The following THAP5 variants were observed in gnomAD, a reference collection of about 807,000 sequenced individuals.
THAP5 encodes the protein THAP domain-containing protein 5.
In THAP5, 26 loss-of-function variants were observed where a neutral mutation model predicts 34.0. That is an observed-to-expected ratio of 0.77 (90% CI 0.56 to 1.06). The LOEUF is 1.06. THAP5 is among the 50% of genes least tolerant of loss of function. THAP5 has a pLI of 0.00. For missense variants in THAP5, 394 were observed against 452.8 expected, an observed-to-expected ratio of 0.87 and a Z score of 1.18; for synonymous variants, 125 against 153.0, an observed-to-expected ratio of 0.82 and a Z score of 1.35.
chr7:108,555,520 T>A (rs1331659118), intron 1 of THAP5, among the ~76,000 whole-genome samples: 1 of 151,948 alleles, frequency 6.6e-6, no homozygotes, highest in African/African-American at 2.4e-5. Flanking sequence ...CAGCATAAAC[T>A]TTAATGTTGT....
chr7:108,559,407 C>G (rs1312596856), downstream of THAP5, among the ~76,000 whole-genome samples: 1 of 152,158 alleles, frequency 6.6e-6, no homozygotes, highest in Non-Finnish European at 1.5e-5. Context: ...ACTAGTGATG[C>G]AGGAGAACAA....
downstream of THAP5, among the ~76,000 whole-genome samples, chr7:108,558,377 G>GTGTGTGTGTATATATA (rs1401164750): frequency 1.0e-3 from 66 of 62,954 alleles, no homozygotes; most frequent in African/African-American, 2.6e-3. Flanking sequence ...ATGTGTGTGT[G>GTGTGTGTGTATATATA]TATGTATATA....
chr7:108,546,170 C>T, the THAP5 span, among the ~76,000 whole-genome samples: 1 of 151,952 alleles, frequency 6.6e-6, no homozygotes, highest in Non-Finnish European at 1.5e-5. Context: ...CTTTATCAAC[C>T]ATCTGTCAAT....
At chr7:108,550,779 A>G (rs1864348387), downstream of THAP5, among the ~76,000 whole-genome samples, 1 of 152,188 alleles carries the variant, frequency 6.6e-6, no homozygotes, top group East Asian at 1.9e-4. Context: ...GTTGGATAGC[A>G]ATAAGGCTCA....
chr7:108,563,537 C>CAAAAAAAAAAA lies in THAP5; in HGVS notation c.*643_*653dup, dbSNP rs869034514. The CAAAAAAAAAAA allele has an allele frequency of 2.9e-5, 2 of 68,446 alleles. No individual in the cohort carries two copies. The highest frequency in any genetic ancestry group is 5.8e-5 in the African/African-American group (1 of 17,176). The allele number at this position is 68,446 out of a possible 1,614,324, so 4.2% of individuals were successfully genotyped here. A position where few individuals can be genotyped will look rare whatever the true frequency, so the allele number is the denominator to read the frequency against. On this transcript the variant is annotated 3_prime_UTR_variant, in exon 3 of 3. Transcript: ENST00000415914. ...TGGGTTACAGAGTGAGACTCCATCT[C>CAAAAAAAAAAA]AAAAAAAAAAAAAAAAAAAAAAAAA...
At chr7:108,560,268 A>G (rs764221381), downstream of THAP5, among the ~76,000 whole-genome samples, 1 of 152,222 alleles carries the variant, frequency 6.6e-6, no homozygotes, top group Non-Finnish European at 1.5e-5. Context: ...CATATAGTTC[A>G]TATTTTACAG....
intron 1 of THAP5, among the ~76,000 whole-genome samples, chr7:108,555,722 A>C (rs1371600505): frequency 9.9e-6 from 1 of 101,126 alleles, no homozygotes; most frequent in Non-Finnish European, 2.0e-5. Context: ...TTTTTTTTTG[A>C]GACAGAATCT....
chr7:108,565,963 GA>G lies in THAP5; in HGVS notation c.139del (p.Ser47HisfsTer29). On this transcript the variant is annotated frameshift_variant, in exon 2 of 3. Transcript: ENST00000415914. LOFTEE classifies it high-confidence loss of function. ...EKWLKNMKRD[S>X]WVPSKYQFLC... The stretch of plus-strand genomic sequence containing the variant: ...AAACTGGTATTTACTGGGAACCCAT[GA>G]ATCTCGCTTCATATTCTTTAACCAC... The G allele has an allele frequency of 6.5e-7, 1 of 1,550,198 alleles. No individual in the cohort carries two copies. The highest frequency in any genetic ancestry group is 1.2e-5 in the South Asian group (1 of 83,866).
At chr7:108,550,492 C>G (rs573443255), downstream of THAP5, among the ~76,000 whole-genome samples, 9 of 151,714 alleles carry the variant, frequency 5.9e-5, no homozygotes, top group Non-Finnish European at 1.2e-4. Context: ...TTACAATTCT[C>G]TAAAATGCCC....
At chr7:108,549,651 G>A (rs572770052), downstream of THAP5, among the ~76,000 whole-genome samples, 36 of 152,272 alleles carry the variant, frequency 2.4e-4, no homozygotes, top group Admixed American at 7.8e-4. Flanking sequence ...AGTTATGTAT[G>A]AAGAAATGAC....
Position 108,565,838 on chromosome 7 carries a change from C to T in THAP5, c.265G>A (p.Asp89Asn), listed in dbSNP as rs1185378315. The change falls in exon 2 of 3, where the codon GAC (aspartate) becomes AAC (asparagine). Residue 89 changes from aspartate (D) to asparagine (N), a missense_variant. Physicochemically the swap from Asp to Asn is conservative, Grantham distance 23 (BLOSUM62 1). Coordinates refer to ENST00000415914, the MANE Select transcript of THAP5 (RefSeq NM_001130475.3). ...CTCCCATACTGCAATACCTGATTGTCTTCAGGCAAAGAAAATATTGTTGGA... is the reference window on the plus strand; with the variant it reads ...CTCCCATACTGCAATACCTGATTGTTTTCAGGCAAAGAAAATATTGTTGGA... ...AVPTIFSLPEDNQGKDPSKKK... is the reference protein window; with the variant it reads ...AVPTIFSLPENNQGKDPSKKK... 3.9e-6 allele frequency: 6 copies of T among 1,544,184 alleles called. No individual in the cohort carries two copies. In the South Asian group the frequency reaches 6.0e-5, roughly 16 times the overall value.
chr7:108,569,385 A>T, intron 1 of THAP5, 105 bp downstream of exon 1: 1 of 1,528,948 alleles, frequency 6.5e-7, no homozygotes, highest in Non-Finnish European at 8.8e-7. Flanking sequence ...ACGTACGGAG[A>T]GCTGAGGACT....
downstream of THAP5, among the ~76,000 whole-genome samples, chr7:108,557,373 A>G (rs191440621): frequency 6.6e-6 from 1 of 152,292 alleles, no homozygotes; most frequent in East Asian, 1.9e-4. Flanking sequence ...TGTAAGTTCT[A>G]GTTTCAGGTA....
In THAP5 at chr7:108,562,596, T is replaced by G. The variant is rs1790373686; in HGVS notation, c.*1595A>C. ...AACATGTTTGTTCCTTACAAAATTCTCAAAGCCACTCTTTAAGGTAAGTAA... is the reference window on the plus strand; with the variant it reads ...AACATGTTTGTTCCTTACAAAATTCGCAAAGCCACTCTTTAAGGTAAGTAA... On this transcript the variant is annotated 3_prime_UTR_variant, in exon 3 of 3. Transcript: ENST00000415914. The G allele has an allele frequency of 2.0e-5, 3 of 152,212 alleles. No individual in the cohort carries two copies. The highest frequency in any genetic ancestry group is 2.0e-4 in the Admixed American group (3 of 15,278). 9.4% of individuals were successfully genotyped at this position (152,212 alleles called of 1,614,324 possible).
At chr7:108,567,804 C>A (rs528459220) in intron 1 of THAP5, among the ~76,000 whole-genome samples, 70 of 152,256 alleles carry the variant, frequency 4.6e-4, no homozygotes, top group African/African-American at 1.6e-3. Context: ...GTGGATTACA[C>A]AAGAAAATTT....
the THAP5 span, among the ~76,000 whole-genome samples, chr7:108,545,322 C>T: frequency 6.6e-6 from 1 of 152,128 alleles, no homozygotes; most frequent in Non-Finnish European, 1.5e-5. Context: ...GTATAGTTCC[C>T]AGAACAATTG....
downstream of THAP5, among the ~76,000 whole-genome samples, chr7:108,553,547 T>C (rs1164127090): frequency 6.6e-6 from 1 of 152,226 alleles, no homozygotes; most frequent in Non-Finnish European, 1.5e-5. Flanking sequence ...TGAACCTTTG[T>C]TTCCTGTGAT....
chr7:108,547,060 A>G, the THAP5 span, among the ~76,000 whole-genome samples: 23 of 152,316 alleles, frequency 1.5e-4, no homozygotes, highest in African/African-American at 5.5e-4. Context: ...ACAAGGCAAA[A>G]CAAATGCTTC....
At chr7:108,544,535 AAAAAAC>A in the THAP5 span, among the ~76,000 whole-genome samples, 6 of 151,964 alleles carry the variant, frequency 3.9e-5, no homozygotes, top group East Asian at 1.9e-4. Flanking sequence ...CATCTCAAAA[AAAAAAC>A]AAAAACAAAA....
Sources: gnomAD v4.1 joint callset for allele counts (sites outside exome capture counted in the v4.1 genomes callset) on GRCh38, gnomAD v4.1.1 for gene constraint, MANE v1.5 for transcripts, NCBI Gene and HGNC (gene_info 2026-07-23, HGNC 2026-07-21) for gene names.